The following NMUR1 variants were observed in gnomAD, a reference collection of about 807,000 sequenced individuals.
The protein encoded by NMUR1 is neuromedin-U receptor 1.
NMUR1 carries 16 observed loss-of-function variants against 18.8 expected under a neutral mutation model. The ratio of observed to expected loss-of-function variants is 0.85; its 90% CI spans 0.58 to 1.29. The LOEUF is 1.29. Ranked by LOEUF, NMUR1 falls within the 50% of genes most tolerant of loss-of-function variation. The pLI is 0.00. For synonymous variants in NMUR1, 258 were observed against 258.2 expected, an observed-to-expected ratio of 1.00 and a Z score of 0.01; for missense variants, 529 against 580.3, an observed-to-expected ratio of 0.91 and a Z score of 0.91.
In NMUR1 at chr2:231,529,031, G is replaced by A. The variant is rs751713328; in HGVS notation, c.4-14C>T. On this transcript the variant is annotated splice_polypyrimidine_tract_variant and intron_variant, in intron 1 of 2. Coordinates refer to ENST00000305141, the MANE Select transcript of NMUR1 (RefSeq NM_006056.5). ...GCAGAGAGGAGTCTGTGGAACAGAG[G>A]GGAGAGATGCCCAGAAAGATCATTC... 3.9e-5 allele frequency: 61 copies of A among 1,579,898 alleles called. No homozygotes were observed. The East Asian group carries it at 1.3e-3, about 34-fold the overall frequency.
chr2:231,524,841 C>T lies in NMUR1; in HGVS notation c.*202G>A, dbSNP rs1575285794. On this transcript the variant is annotated 3_prime_UTR_variant, in exon 3 of 3. Transcript: ENST00000305141. ...GACAGATAAGAAGCACAAGGTGTGGCGTCTGGTCAGTGTGAGTCCTCAGCA... is the reference window on the plus strand; with the variant it reads ...GACAGATAAGAAGCACAAGGTGTGGTGTCTGGTCAGTGTGAGTCCTCAGCA... 1 of 560,906 alleles carries T rather than the reference C, an allele frequency of 1.8e-6. No homozygotes were observed. Among genetic ancestry groups the T allele is most frequent in the Non-Finnish European group, 3.0e-6 (1 of 333,378 alleles). The allele number at this position is 560,906 out of a possible 1,614,324, so 34.7% of individuals were successfully genotyped here. A position where few individuals can be genotyped will look rare whatever the true frequency, so the allele number is the denominator to read the frequency against.
Position 231,528,111 on chromosome 2 carries a change from C to T in NMUR1, c.898+12G>A, listed in dbSNP as rs200849646. On this transcript the variant is annotated intron_variant, in intron 2 of 2. Coordinates refer to ENST00000305141, the MANE Select transcript of NMUR1 (RefSeq NM_006056.5). Reference sequence around the variant, plus strand: ...GCCTGGCTCAGCCCCTCTTCCCAGCCGTGACACTTACACAGCATCTTGGTC... The same window carrying T: ...GCCTGGCTCAGCCCCTCTTCCCAGCTGTGACACTTACACAGCATCTTGGTC... 3.3e-6 allele frequency: 5 copies of T among 1,529,964 alleles called. No individual in the cohort carries two copies. Among genetic ancestry groups the T allele is most frequent in the Non-Finnish European group, 4.4e-6 (5 of 1,137,604 alleles). 94.8% of individuals were successfully genotyped at this position (1,529,964 alleles called of 1,614,324 possible).
downstream of NMUR1, among the ~76,000 whole-genome samples, chr2:231,520,293 G>C (rs2047294256): frequency 6.6e-6 from 1 of 152,192 alleles, no homozygotes; most frequent in Non-Finnish European, 1.5e-5. Context: ...CTGAGAAAAA[G>C]GGCGGAACCC....
Position 231,524,169 on chromosome 2 carries a change from A to G in NMUR1, c.*874T>C, listed in dbSNP as rs1196834695. The G allele has an allele frequency of 1.3e-5, 2 of 152,258 alleles. No individual in the cohort carries two copies. Among genetic ancestry groups the G allele is most frequent in the Non-Finnish European group, 2.9e-5 (2 of 68,052 alleles). 9.4% of individuals were successfully genotyped at this position (152,258 alleles called of 1,614,324 possible). A position where few individuals can be genotyped will look rare whatever the true frequency, so the allele number is the denominator to read the frequency against. The stretch of plus-strand genomic sequence containing the variant: ...TAAGCAGTGGCTTACACACACACAG[A>G]AAGAAAACCATAGCTAAAGTGCCAA... On this transcript the variant is annotated 3_prime_UTR_variant, in exon 3 of 3. Coordinates refer to ENST00000305141, the MANE Select transcript of NMUR1 (RefSeq NM_006056.5).
rs766587624 is a variant in NMUR1 at position 231,525,265 on chromosome 2, G to C, written c.1059C>G (p.Pro353=). 3.7e-6 allele frequency: 6 copies of C among 1,614,172 alleles called. No individual in the cohort carries two copies. Among genetic ancestry groups the C allele is most frequent in the Middle Eastern group, 1.6e-4 (1 of 6,062 alleles). The change falls in exon 3 of 3, where the codon CCC becomes CCG. Residue 353 remains proline, a synonymous_variant. Coordinates refer to ENST00000305141, the MANE Select transcript of NMUR1 (RefSeq NM_006056.5). The part of the protein sequence containing the change: ...IFFYLGSAAN[P]VLYSLMSSRF... ...GGCTGGACATGAGGCTATAGAGCACGGGGTTGGCCGCCGAGCCCAGGTAGA... is the reference window on the plus strand; with the variant it reads ...GGCTGGACATGAGGCTATAGAGCACCGGGTTGGCCGCCGAGCCCAGGTAGA...
intron 2 of NMUR1, among the ~76,000 whole-genome samples, chr2:231,526,443 C>T (rs1160693414): frequency 6.6e-6 from 1 of 152,166 alleles, no homozygotes; most frequent in Non-Finnish European, 1.5e-5. Flanking sequence ...AGCCCACCTT[C>T]CAGGGGTGAG....
In NMUR1 at chr2:231,525,044, C is replaced by A; in HGVS notation, c.1280G>T (p.Ter427LeuextTer4). The change falls in exon 3 of 3, where the codon TGA (stop) becomes TTA (leucine). Residue 427 changes from the stop codon to leucine (L), a stop_lost. Transcript: ENST00000305141. ...GGTGAAGCCACTTTAAGGCTCCACT[C>A]AGGATGGATCGGTCTCTTGCTGCGC... ...PEAQQETDPS[*>L] 6.4e-7 allele frequency: 1 copy of A among 1,563,328 alleles called. No homozygotes were observed. Among genetic ancestry groups the A allele is most frequent in the Admixed American group, 1.8e-5 (1 of 54,912 alleles).
intron 2 of NMUR1, among the ~76,000 whole-genome samples, chr2:231,525,968 G>GGA (rs2047353048): frequency 7.0e-6 from 1 of 142,782 alleles, no homozygotes; most frequent in South Asian, 2.2e-4. Flanking sequence ...ACACACACAT[G>GGA]CACACACACA....
At chr2:231,522,046 T>G (rs868396075), downstream of NMUR1, among the ~76,000 whole-genome samples, 2 of 146,434 alleles carry the variant, frequency 1.4e-5, no homozygotes, top group African/African-American at 2.5e-5. Flanking sequence ...GTAGCACAAT[T>G]TTGGCTTACT....
intron 2 of NMUR1, among the ~76,000 whole-genome samples, chr2:231,527,736 C>T (rs1242770233): frequency 6.6e-6 from 1 of 151,956 alleles, no homozygotes; most frequent in Non-Finnish European, 1.5e-5. Flanking sequence ...CATGCCCTGC[C>T]CTTTCTGTGT....
At chr2:231,522,597 T>C (rs1360666482), downstream of NMUR1, among the ~76,000 whole-genome samples, 1 of 150,972 alleles carries the variant, frequency 6.6e-6, no homozygotes, top group African/African-American at 2.4e-5. Flanking sequence ...CTGCAGTCAC[T>C]CCCCTCCCCT....
chr2:231,528,443 G>C lies in NMUR1; in HGVS notation c.578C>G (p.Ser193Cys). 1.9e-6 allele frequency: 3 copies of C among 1,613,688 alleles called. No individual in the cohort carries two copies. The highest frequency in any genetic ancestry group is 2.5e-6 in the Non-Finnish European group (3 of 1,180,012). ...GAVWGLAMLCSLPNTSLHGIR... is the reference protein window; with the variant it reads ...GAVWGLAMLCCLPNTSLHGIR... Reference sequence around the variant, plus strand: ...GCCGTGCAGGCTGGTGTTGGGCAGGGAGCAGAGCATGGCAAGACCCCAGAC... The same window carrying C: ...GCCGTGCAGGCTGGTGTTGGGCAGGCAGCAGAGCATGGCAAGACCCCAGAC... The change falls in exon 2 of 3, where the codon TCC becomes TGC. Residue 193 changes from serine (S) to cysteine (C), a missense_variant. Ser to Cys is a moderately radical substitution (Grantham distance 112, BLOSUM62 -1). Transcript: ENST00000305141.
chr2:231,529,174 T>G (rs984777051), intron 1 of NMUR1, among the ~76,000 whole-genome samples, 157 bp from the exon 2 acceptor site: 67 of 151,908 alleles, frequency 4.4e-4, no homozygotes, highest in African/African-American at 1.5e-3. Context: ...GTCAGAGATG[T>G]AAAAATAAGC....
chr2:231,518,960 G>A (rs1409080559), downstream of NMUR1, among the ~76,000 whole-genome samples: 3 of 152,160 alleles, frequency 2.0e-5, no homozygotes, highest in African/African-American at 2.4e-5. Flanking sequence ...GGACTTGGGC[G>A]CATCACCTCC....
rs1575285798 is a variant in NMUR1 at position 231,524,847 on chromosome 2, G to A, written c.*196C>T. The A allele has an allele frequency of 1.7e-6, 1 of 605,660 alleles. No homozygotes were observed. The highest frequency in any genetic ancestry group is 2.9e-5 in the East Asian group (1 of 34,212). 37.5% of individuals were successfully genotyped at this position (605,660 alleles called of 1,614,324 possible). On this transcript the variant is annotated 3_prime_UTR_variant, in exon 3 of 3. Coordinates refer to ENST00000305141, the MANE Select transcript of NMUR1 (RefSeq NM_006056.5). ...TAAGAAGCACAAGGTGTGGCGTCTGGTCAGTGTGAGTCCTCAGCAGTCAGG... is the reference window on the plus strand; with the variant it reads ...TAAGAAGCACAAGGTGTGGCGTCTGATCAGTGTGAGTCCTCAGCAGTCAGG...
chr2:231,520,353 G>A (rs987017271), downstream of NMUR1, among the ~76,000 whole-genome samples: 6 of 152,314 alleles, frequency 3.9e-5, no homozygotes, highest in Admixed American at 6.5e-5. Context: ...CCCTGGACAC[G>A]CCTGCCCCTG....
intron 1 of NMUR1, among the ~76,000 whole-genome samples, chr2:231,529,511 A>G (rs1575290501): frequency 2.0e-5 from 3 of 152,228 alleles, no homozygotes; most frequent in Admixed American, 2.0e-4. Flanking sequence ...TTTAAAAAAA[A>G]AAAAACACGT....
intron 2 of NMUR1, 42 bp downstream of exon 2, chr2:231,528,081 C>A: frequency 6.6e-7 from 1 of 1,513,298 alleles, no homozygotes; most frequent in South Asian, 1.3e-5. Flanking sequence ...AAACTCATAC[C>A]CAGTGCCTGG....
Position 231,525,382 on chromosome 2 carries a change from G to A in NMUR1, c.942C>T (p.His314=), listed in dbSNP as rs918313683. The A allele has an allele frequency of 6.2e-6, 10 of 1,613,824 alleles. No individual in the cohort carries two copies. Among genetic ancestry groups the A allele is most frequent in the Non-Finnish European group, 8.5e-6 (10 of 1,179,898 alleles). ...CGACGCTCCACATGACGCGGTCGGCGTGGAACGGGGCCCAGCAGATGCCAA... is the reference window on the plus strand; with the variant it reads ...CGACGCTCCACATGACGCGGTCGGCATGGAACGGGGCCCAGCAGATGCCAA... The part of the protein sequence containing the change: ...VVFGICWAPF[H]ADRVMWSVVS... Residue 314 remains histidine, a synonymous_variant, in exon 3 of 3, where the codon CAC becomes CAT. Transcript: ENST00000305141.
Sources: gnomAD v4.1 joint callset for allele counts (sites outside exome capture counted in the v4.1 genomes callset) on GRCh38, gnomAD v4.1.1 for gene constraint, MANE v1.5 for transcripts, NCBI Gene and HGNC (gene_info 2026-07-23, HGNC 2026-07-21) for gene names.